The following TRPC6 variants were observed in gnomAD, a reference collection of about 807,000 sequenced individuals.
TRPC6 encodes the protein transient receptor potential cation channel subfamily C member 6.
TRPC6 carries 55 observed loss-of-function variants against 90.7 expected under a neutral mutation model. The ratio of observed to expected loss-of-function variants is 0.61; its 90% CI spans 0.49 to 0.76. The LOEUF (loss-of-function observed/expected upper bound fraction) is 0.76. TRPC6 is among the 30% of genes least tolerant of loss of function. The pLI, the probability that TRPC6 is intolerant of heterozygous loss-of-function variation, is 0.00. For synonymous variants in TRPC6, 393 were observed against 393.0 expected (o/e 1.00, Z 0.00); for missense variants, 989 against 1,122.7 (o/e 0.88, Z 1.70).
intron 1 of TRPC6, among the ~76,000 whole-genome samples, chr11:101,578,938 G>A (rs1209836219): frequency 6.6e-6 from 1 of 151,452 alleles, no homozygotes; most frequent in Non-Finnish European, 1.5e-5. Context: ...CTTGTCTTTG[G>A]TGTTCTGCAA....
chr11:101,570,778 A>G, intron 1 of TRPC6, among the ~76,000 whole-genome samples: 1 of 152,222 alleles, frequency 6.6e-6, no homozygotes, highest in Admixed American at 6.5e-5. Context: ...AAACCATGTG[A>G]TGATCTCAAT....
In TRPC6 at chr11:101,558,210, CATGTATATATGTATACATGTATAT is replaced by C. The variant is rs1565243082; in HGVS notation, c.170+25100_170+25123del. Among the ~76,000 whole-genome samples the C allele has an allele frequency of 9.4e-4, 107 of 113,582 alleles. 2 individuals are homozygous for C. Among genetic ancestry groups the C allele is most frequent in the Admixed American group, 1.2e-3 (13 of 11,042 alleles). 74.5% of individuals were successfully genotyped at this position (113,582 alleles called of 152,430 possible). ...ACATACATATATATGTGTGTGTATACATGTATATATGTATACATGTATATGGGTATACATGTATATATGTATACA... is the reference window on the plus strand; with the variant it reads ...ACATACATATATATGTGTGTGTATACGGGTATACATGTATATATGTATACA... On this transcript the variant is annotated intron_variant, in intron 1 of 12. Coordinates refer to ENST00000344327, the MANE Select transcript of TRPC6 (RefSeq NM_004621.6).
chr11:101,556,277 G>A (rs1197533521), intron 1 of TRPC6, among the ~76,000 whole-genome samples: 1 of 151,798 alleles, frequency 6.6e-6, no homozygotes, highest in Non-Finnish European at 1.5e-5. Context: ...CAAATGAAGA[G>A]TATGTTTTTT....
At chr11:101,490,297 G>C (rs12806241) in intron 3 of TRPC6, among the ~76,000 whole-genome samples, 12,606 of 152,168 alleles carry the variant, frequency 0.083, 713 homozygotes, top group Middle Eastern at 0.13. Flanking sequence ...AGTTGTCCAA[G>C]AAAGAAATTT....
intron 1 of TRPC6, among the ~76,000 whole-genome samples, chr11:101,582,347 C>G (rs1862216256): frequency 6.6e-6 from 1 of 152,134 alleles, no homozygotes; most frequent in South Asian, 2.1e-4. Flanking sequence ...CTCCCTCCAA[C>G]TAAAGCTGTT....
At chr11:101,461,065 T>C (rs550150668) in intron 10 of TRPC6, among the ~76,000 whole-genome samples, 83 of 152,330 alleles carry the variant, frequency 5.4e-4, no homozygotes, top group African/African-American at 1.8e-3. Context: ...CTTAATTATA[T>C]AGTGCTTGGT....
chr11:101,486,472 C>G (rs577612527), intron 4 of TRPC6, among the ~76,000 whole-genome samples: 48 of 152,078 alleles, frequency 3.2e-4, no homozygotes, highest in Non-Finnish European at 6.0e-4. Flanking sequence ...GACTAAATAC[C>G]TAGCTACTCA....
intron 2 of TRPC6, among the ~76,000 whole-genome samples, chr11:101,497,763 C>T (rs1859986543): frequency 6.6e-6 from 1 of 152,008 alleles, no homozygotes; most frequent in African/African-American, 2.4e-5. Context: ...CATAGGTATA[C>T]ATGTGCTATG....
At chr11:101,552,277 A>G (rs1861467500) in intron 1 of TRPC6, among the ~76,000 whole-genome samples, 1 of 152,126 alleles carries the variant, frequency 6.6e-6, no homozygotes, top group African/African-American at 2.4e-5. Context: ...GAAACAAGAA[A>G]GATGACGAAG....
chr11:101,530,725 C>T (rs180722906), intron 1 of TRPC6, among the ~76,000 whole-genome samples: 2 of 152,272 alleles, frequency 1.3e-5, no homozygotes, highest in East Asian at 3.9e-4. Flanking sequence ...CCAGCTCGAG[C>T]CCCTGGTAAC....
At chr11:101,519,167 G>T (rs531113864) in intron 1 of TRPC6, among the ~76,000 whole-genome samples, 17 of 152,250 alleles carry the variant, frequency 1.1e-4, no homozygotes, top group African/African-American at 3.9e-4. Context: ...ACTTAACTGT[G>T]TATTTAAAAA....
intron 1 of TRPC6, among the ~76,000 whole-genome samples, chr11:101,563,295 A>T (rs1861755237): frequency 6.6e-6 from 1 of 152,134 alleles, no homozygotes; most frequent in South Asian, 2.1e-4. Flanking sequence ...ATAGGATAAG[A>T]ATGTGTTGAG....
intron 1 of TRPC6, among the ~76,000 whole-genome samples, chr11:101,505,634 T>C (rs1414604072): frequency 6.6e-6 from 1 of 151,914 alleles, no homozygotes; most frequent in African/African-American, 2.4e-5. Flanking sequence ...TATAATCAAG[T>C]TGTCAGGTAG....
chr11:101,513,542 G>C (rs1487746027), intron 1 of TRPC6, among the ~76,000 whole-genome samples: 3 of 151,674 alleles, frequency 2.0e-5, no homozygotes, highest in Non-Finnish European at 4.4e-5. Flanking sequence ...CTACTAGAGA[G>C]AGAGAGAGGA....
At chr11:101,469,624 G>A (rs909047457) in intron 9 of TRPC6, 123 bp from the exon 10 acceptor site, 32 of 606,132 alleles carry the variant, frequency 5.3e-5, no homozygotes, top group Admixed American at 1.1e-4. Context: ...ATATTCTTAC[G>A]GGGTTCTTCC....
At chr11:101,539,806 C>T (rs767113858) in intron 1 of TRPC6, among the ~76,000 whole-genome samples, 1 of 152,076 alleles carries the variant, frequency 6.6e-6, no homozygotes, top group Non-Finnish European at 1.5e-5. Flanking sequence ...AGGAGCGTTA[C>T]ATTAAAATAT....
intron 1 of TRPC6, among the ~76,000 whole-genome samples, chr11:101,531,874 A>G (rs1820464106): frequency 6.6e-6 from 1 of 152,186 alleles, no homozygotes; most frequent in Admixed American, 6.5e-5. Flanking sequence ...GGTTTATTGT[A>G]GAACCGCCCT....
intron 1 of TRPC6, among the ~76,000 whole-genome samples, chr11:101,576,232 T>C (rs1052023277): frequency 1.3e-5 from 2 of 152,176 alleles, no homozygotes; most frequent in African/African-American, 4.8e-5. Flanking sequence ...GAAAAGAACC[T>C]GCTACAGAAT....
At chr11:101,570,974 CTCTCT>C (rs146445562) in intron 1 of TRPC6, among the ~76,000 whole-genome samples, 56,628 of 151,350 alleles carry the variant, frequency 0.37, 11,056 homozygotes, top group Non-Finnish European at 0.45. Context: ...CAAGGATGCC[CTCTCT>C]CACCACTCCT....
Sources: allele counts gnomAD v4.1 joint callset (sites outside exome capture counted in the v4.1 genomes callset), GRCh38; gene constraint gnomAD v4.1.1; transcripts MANE v1.5; gene names NCBI Gene and HGNC (gene_info 2026-07-23, HGNC 2026-07-21).